The following STXBP5 variants were observed in gnomAD, a reference collection of about 807,000 sequenced individuals.
STXBP5 encodes the protein syntaxin-binding protein 5.
A neutral mutation model predicts 152.4 loss-of-function variants in STXBP5; 50 were observed. The observed-to-expected ratio is 0.33, with a 90% CI of 0.26 to 0.42. The LOEUF (loss-of-function observed/expected upper bound fraction) is 0.42, where lower values mean the gene tolerates loss of function less well. STXBP5 is among the 10% of genes least tolerant of loss of function. The probability of loss-of-function intolerance (pLI) is 1.00; values close to 1 mark genes in which losing one functional copy is unlikely to be tolerated. For synonymous variants in STXBP5, 492 were observed against 494.7 expected (o/e 0.99, Z 0.07); for missense variants, 1,167 against 1,388.6 (o/e 0.84, Z 2.54).
intron 21 of STXBP5, among the ~76,000 whole-genome samples, chr6:147,348,551 G>C (rs1358031648): frequency 6.6e-6 from 1 of 152,090 alleles, no homozygotes; most frequent in Non-Finnish European, 1.5e-5. Context: ...TTTTACCAAA[G>C]TTACATATGT....
chr6:147,218,063 A>G (rs1475645287), intron 2 of STXBP5, among the ~76,000 whole-genome samples: 1 of 152,156 alleles, frequency 6.6e-6, no homozygotes, highest in African/African-American at 2.4e-5. Flanking sequence ...TTTTTAGTGC[A>G]GTTTTAGGTT....
intron 7 of STXBP5, among the ~76,000 whole-genome samples, chr6:147,273,429 T>C (rs1780280590): frequency 6.6e-6 from 1 of 152,166 alleles, no homozygotes; most frequent in Non-Finnish European, 1.5e-5. Context: ...GCAGTATTAC[T>C]GATATTTTAA....
intron 25 of STXBP5, among the ~76,000 whole-genome samples, chr6:147,371,314 C>T (rs1301231331): frequency 2.6e-5 from 4 of 152,032 alleles, no homozygotes; most frequent in Non-Finnish European, 5.9e-5. Context: ...TATATTAAGA[C>T]TGCAGATAAT....
At chr6:147,229,816 T>G (rs1777903095) in intron 2 of STXBP5, among the ~76,000 whole-genome samples, 1 of 151,968 alleles carries the variant, frequency 6.6e-6, no homozygotes, top group Non-Finnish European at 1.5e-5. Context: ...TAAAGATAGT[T>G]CTACTTTTTT....
At chr6:147,337,469 A>G (rs1039410333) in intron 19 of STXBP5, among the ~76,000 whole-genome samples, 2 of 152,164 alleles carry the variant, frequency 1.3e-5, no homozygotes, top group Non-Finnish European at 2.9e-5. Context: ...AACAATCAGT[A>G]GTAAGTATTT....
Position 147,384,890 on chromosome 6 carries a change from G to GT in STXBP5, c.*139dup. On this transcript the variant is annotated 3_prime_UTR_variant, in exon 28 of 28. Transcript: ENST00000321680. ...TTCTTTCCTAGCACAGTCATGCACT[G>GT]TTTTACCTCAGTCATGTGGCTTTAA... 1.1e-6 allele frequency: 1 copy of GT among 879,152 alleles called. No individual in the cohort carries two copies. Among genetic ancestry groups the GT allele is most frequent in the African/African-American group, 1.7e-5 (1 of 59,170 alleles). 54.5% of individuals were successfully genotyped at this position (879,152 alleles called of 1,614,324 possible).
At position 147,267,127 on chromosome 6, in the gene STXBP5, T is replaced by G; in HGVS notation, c.674T>G (p.Leu225Arg). ...FESGTVVLWD[L>R]KSKKADYRYT... ...TCTGGAACAGTAGTTTTATGGGACC[T>G]CAAATCAAAGAAAGCCGACTACAGA... Residue 225 changes from leucine to arginine, a missense_variant, in exon 7 of 28, where the codon CTC becomes CGC. Around this residue, in one of 3 missense-constraint regions of STXBP5, gnomAD observed 310 missense variants for 346.1 expected, o/e 0.90. Coordinates refer to ENST00000321680, the MANE Select transcript of STXBP5 (RefSeq NM_001127715.4). The G allele has an allele frequency of 6.2e-7, 1 of 1,610,128 alleles. No individual in the cohort carries two copies. Among genetic ancestry groups the G allele is most frequent in the Non-Finnish European group, 8.5e-7 (1 of 1,178,636 alleles).
At chr6:147,342,674 CTTG>C (rs959131027) in intron 21 of STXBP5, among the ~76,000 whole-genome samples, 4 of 151,918 alleles carry the variant, frequency 2.6e-5, no homozygotes, top group African/African-American at 4.8e-5. Context: ...TTTTTATTTA[CTTG>C]TTATTTGTTT....
In STXBP5 at chr6:147,386,836, A is replaced by G. The variant is rs1340593635; in HGVS notation, c.*2081A>G. 2 of 151,762 alleles carry G rather than the reference A, an allele frequency of 1.3e-5. No individual in the cohort carries two copies. The highest frequency in any genetic ancestry group is 3.0e-5 in the Non-Finnish European group (2 of 67,766). 9.4% of individuals were successfully genotyped at this position (151,762 alleles called of 1,614,324 possible). A position where few individuals can be genotyped will look rare whatever the true frequency, so the allele number is the denominator to read the frequency against. ...AGATTAATATACTGGTTGGTTCCCTATCTATGTGGAAGGTCATATTAGCTG... is the reference window on the plus strand; with the variant it reads ...AGATTAATATACTGGTTGGTTCCCTGTCTATGTGGAAGGTCATATTAGCTG... On this transcript the variant is annotated 3_prime_UTR_variant, in exon 28 of 28. Coordinates refer to ENST00000321680, the MANE Select transcript of STXBP5 (RefSeq NM_001127715.4).
chr6:147,264,302 T>C lies in STXBP5; in HGVS notation c.630+1949T>C, dbSNP rs543192788. 9.2e-5 allele frequency among the ~76,000 whole-genome samples: 14 copies of C among 152,196 alleles called. No homozygotes were observed. In the East Asian group the frequency reaches 2.5e-3, roughly 27 times the overall value. ...AAGGAAGGTTAGACATTAGATAGGTTAGACTTATGATAGGAATAGCTACCA... is the reference window on the plus strand; with the variant it reads ...AAGGAAGGTTAGACATTAGATAGGTCAGACTTATGATAGGAATAGCTACCA... On this transcript the variant is annotated intron_variant, in intron 6 of 27. Coordinates refer to ENST00000321680, the MANE Select transcript of STXBP5 (RefSeq NM_001127715.4).
chr6:147,277,015 T>C (rs535971961), intron 7 of STXBP5, among the ~76,000 whole-genome samples: 1 of 152,226 alleles, frequency 6.6e-6, no homozygotes, highest in South Asian at 2.1e-4. Flanking sequence ...ATTTTTGACT[T>C]ATGATATTTT....
chr6:147,206,899 A>G (rs907745257), intron 2 of STXBP5, among the ~76,000 whole-genome samples: 1 of 152,064 alleles, frequency 6.6e-6, no homozygotes, highest in Non-Finnish European at 1.5e-5. Context: ...TTTGAAACAT[A>G]CTTAACCTAA....
intron 16 of STXBP5, among the ~76,000 whole-genome samples, chr6:147,320,520 A>C (rs996368603): frequency 2.0e-5 from 3 of 151,048 alleles, no homozygotes; most frequent in African/African-American, 7.3e-5. Context: ...AAGAAAATAC[A>C]ACAGATGTGG....
At chr6:147,235,415 A>G (rs1260143687) in intron 3 of STXBP5, 84 bp downstream of exon 3, 4 of 1,055,768 alleles carry the variant, frequency 3.8e-6, no homozygotes, top group South Asian at 2.9e-5. Flanking sequence ...TGCATTCACA[A>G]TTTATTTACA....
intron 8 of STXBP5, among the ~76,000 whole-genome samples, chr6:147,287,780 A>G (rs1006439972): frequency 1.3e-5 from 2 of 152,212 alleles, no homozygotes; most frequent in East Asian, 1.9e-4. Flanking sequence ...TTTCTATGGA[A>G]TAAATACTTC....
intron 7 of STXBP5, among the ~76,000 whole-genome samples, chr6:147,274,923 A>G (rs986400942): frequency 2.0e-5 from 3 of 152,158 alleles, no homozygotes; most frequent in African/African-American, 4.8e-5. Context: ...ATTTATTAAT[A>G]TATACATTTA....
intron 16 of STXBP5, among the ~76,000 whole-genome samples, chr6:147,316,966 A>G (rs1349072017): frequency 1.3e-5 from 2 of 152,360 alleles, no homozygotes; most frequent in Non-Finnish European, 2.9e-5. Context: ...AAATGTTTAA[A>G]TGATAGAGGC....
intron 19 of STXBP5, among the ~76,000 whole-genome samples, 155 bp from the exon 20 acceptor site, chr6:147,339,024 T>G (rs181173130): frequency 6.6e-6 from 1 of 152,052 alleles, no homozygotes; most frequent in East Asian, 1.9e-4. Context: ...GTATAAGAAC[T>G]GTTATTTACT....
chr6:147,275,549 CTTTTTTTTTTTTTTT>C (rs71031021), intron 7 of STXBP5, among the ~76,000 whole-genome samples: 1 of 64,480 alleles, frequency 1.6e-5, no homozygotes, highest in Admixed American at 2.1e-4. Flanking sequence ...AGTAAATATT[CTTTTTTTTTTTTTTT>C]TTTTTTTTTT....
Sources: gnomAD v4.1 joint callset for allele counts (sites outside exome capture counted in the v4.1 genomes callset) on GRCh38, gnomAD v4.1.1 for gene constraint, gnomAD v4.1.1 regional missense constraint, MANE v1.5 for transcripts, NCBI Gene and HGNC (gene_info 2026-07-23, HGNC 2026-07-21) for gene names.